Variants in CACNA1D observed in about 807,000 individuals in gnomAD.
CACNA1D encodes calcium voltage-gated channel subunit alpha1 D, also known as voltage-dependent L-type calcium channel subunit alpha-1D.
In CACNA1D, 55 loss-of-function variants were observed where a neutral mutation model predicts 257.1. That is an observed-to-expected ratio of 0.21 (90% CI 0.17 to 0.27). The LOEUF is 0.27. CACNA1D is among the 10% of genes least tolerant of loss of function. The pLI is 1.00. For missense variants in CACNA1D, 1,876 were observed against 2,784.0 expected (o/e 0.67, Z 7.34); for synonymous variants, 980 against 1,014.9 (o/e 0.97, Z 0.65).
In CACNA1D at chr3:53,495,322, G is replaced by T. The variant is rs1006917391; in HGVS notation, c.67+89G>T. 16 of 1,506,968 alleles carry T rather than the reference G, an allele frequency of 1.1e-5. No individual in the cohort carries two copies. Among genetic ancestry groups the T allele is most frequent in the Non-Finnish European group, 1.1e-5 (12 of 1,085,660 alleles). The allele number at this position is 1,506,968 out of a possible 1,614,324, so 93.3% of individuals were successfully genotyped here. On this transcript the variant is annotated intron_variant, in intron 1 of 47. Transcript: ENST00000350061. This position sits in a 1 kb window ranked among gnomAD's most constrained non-coding sequence, Gnocchi z 5.1. ...TCCCCCTTCCCCGCGGCGCTGGATGGGTTGAGGGGGTTGGAGAGGGTGCTG... is the reference window on the plus strand; with the variant it reads ...TCCCCCTTCCCCGCGGCGCTGGATGTGTTGAGGGGGTTGGAGAGGGTGCTG...
chr3:53,800,159 C>A lies in CACNA1D; in HGVS notation c.4924-90C>A. The A allele has an allele frequency of 1.1e-6, 1 of 918,722 alleles. No homozygotes were observed. 56.9% of individuals were successfully genotyped at this position (918,722 alleles called of 1,614,324 possible). On this transcript the variant is annotated intron_variant, in intron 40 of 47. Coordinates refer to ENST00000350061, the MANE Select transcript of CACNA1D (RefSeq NM_001128840.3). The surrounding 1 kb of genome is among the most constrained non-coding windows in gnomAD (Gnocchi z 4.3). Reference sequence around the variant, plus strand: ...CTTTTGGGGAAGCCTTCCTCCCCACCGCTGAATCAGGAAGGAGCAAAGCCA... The same window carrying A: ...CTTTTGGGGAAGCCTTCCTCCCCACAGCTGAATCAGGAAGGAGCAAAGCCA...
chr3:53,730,638 C>A, intron 16 of CACNA1D, 82 bp downstream of exon 16: 3 of 1,054,036 alleles, frequency 2.8e-6, no homozygotes, highest in Non-Finnish European at 4.4e-6. Context: ...AGGCTTACCC[C>A]CGCATCACGG....
chr3:53,543,700 A>G (rs1238481772), intron 3 of CACNA1D, among the ~76,000 whole-genome samples: 1 of 152,208 alleles, frequency 6.6e-6, no homozygotes, highest in Non-Finnish European at 1.5e-5. Flanking sequence ...TCTCAGAATC[A>G]CAGTGGTAGA....
intron 3 of CACNA1D, among the ~76,000 whole-genome samples, chr3:53,520,336 A>G (rs1039109988): frequency 2.6e-5 from 4 of 152,252 alleles, no homozygotes; most frequent in African/African-American, 4.8e-5. Flanking sequence ...TAGCCATCAT[A>G]GTGCATATGA....
intron 14 of CACNA1D, among the ~76,000 whole-genome samples, chr3:53,726,373 C>T (rs1424610204): frequency 6.6e-6 from 1 of 152,184 alleles, no homozygotes; most frequent in Admixed American, 6.5e-5. Context: ...TGAGGTGGCT[C>T]ATGCCTGTAA....
intron 44 of CACNA1D, 117 bp from the exon 45 acceptor site, chr3:53,804,866 C>G: frequency 1.0e-6 from 1 of 986,692 alleles, no homozygotes. Context: ...TTGTTCTCAG[C>G]CAATCCTACT....
chr3:53,768,959 T>C (rs1232539045), intron 30 of CACNA1D, among the ~76,000 whole-genome samples: 2 of 152,216 alleles, frequency 1.3e-5, no homozygotes, highest in Non-Finnish European at 2.9e-5. Context: ...TTTCTCTCTG[T>C]CGGCTCCTGG....
At chr3:53,706,119 C>T (rs923876148) in intron 9 of CACNA1D, among the ~76,000 whole-genome samples, 4 of 152,176 alleles carry the variant, frequency 2.6e-5, no homozygotes, top group African/African-American at 9.7e-5. Flanking sequence ...AGGAGGATGG[C>T]GCAGGGCCCG....
rs572026026 is a variant in CACNA1D, at chr3:53,779,135, A to G, written c.4588-891A>G. Among the ~76,000 whole-genome samples, 9 of 152,322 alleles carry G rather than the reference A, an allele frequency of 5.9e-5. No individual in the cohort carries two copies. In the South Asian group the frequency reaches 1.7e-3, roughly 28 times the overall value. On this transcript the variant is annotated intron_variant, in intron 37 of 47. Coordinates refer to ENST00000350061, the MANE Select transcript of CACNA1D (RefSeq NM_001128840.3). ...GCAACAAAGCGAGACCTCATCTCTA[A>G]AAAAACATAACAAAACAAAAACAAT... is the stretch of plus-strand genomic sequence containing the variant.
intron 3 of CACNA1D, among the ~76,000 whole-genome samples, chr3:53,580,122 G>A (rs1490067786): frequency 6.6e-6 from 1 of 152,192 alleles, no homozygotes; most frequent in East Asian, 1.9e-4. Flanking sequence ...CATCCTTTTA[G>A]GAATGGGTAA....
At chr3:53,517,676 G>T (rs2091398071) in intron 3 of CACNA1D, among the ~76,000 whole-genome samples, 1 of 151,972 alleles carries the variant, frequency 6.6e-6, no homozygotes, top group Non-Finnish European at 1.5e-5. Flanking sequence ...TAGAGACGGG[G>T]TTTCACCATA....
intron 3 of CACNA1D, among the ~76,000 whole-genome samples, chr3:53,642,764 A>G (rs2612022): frequency 0.63 from 96,058 of 152,162 alleles, 32,534 homozygotes; most frequent in African/African-American, 0.87. Context: ...ATCTTGGGCC[A>G]GGGCCTTGCC....
intron 10 of CACNA1D, among the ~76,000 whole-genome samples, chr3:53,719,237 T>C (rs1032102748): frequency 1.6e-4 from 24 of 152,240 alleles, no homozygotes; most frequent in African/African-American, 5.5e-4. Flanking sequence ...CAACCATTTG[T>C]GAAGTGATTT....
intron 28 of CACNA1D, among the ~76,000 whole-genome samples, chr3:53,752,262 A>C (rs745677864): frequency 6.6e-6 from 1 of 152,022 alleles, no homozygotes; most frequent in Non-Finnish European, 1.5e-5. Flanking sequence ...TTTACTCTGA[A>C]TTTTTTGTGA....
intron 3 of CACNA1D, among the ~76,000 whole-genome samples, chr3:53,549,939 G>A (rs1401403329): frequency 6.6e-6 from 1 of 152,060 alleles, no homozygotes; most frequent in African/African-American, 2.4e-5. Context: ...ATACTCAAAG[G>A]ATCATGTGTT....
chr3:53,774,529 C>G lies in CACNA1D; in HGVS notation c.4111-58C>G. ...CCTGAGTTAGTTCTAAATTCACATACGGATTTTTTTTGCATGACGAAATCT... is the reference window on the plus strand; with the variant it reads ...CCTGAGTTAGTTCTAAATTCACATAGGGATTTTTTTTGCATGACGAAATCT... On this transcript the variant is annotated intron_variant, in intron 33 of 47. Transcript: ENST00000350061. This position sits in a 1 kb window ranked among gnomAD's most constrained non-coding sequence, Gnocchi z 4.3. The G allele has an allele frequency of 1.9e-6, 2 of 1,034,944 alleles. No homozygotes were observed. The highest frequency in any genetic ancestry group is 2.5e-5 in the South Asian group (2 of 79,402). The allele number at this position is 1,034,944 out of a possible 1,614,324, so 64.1% of individuals were successfully genotyped here.
intron 20 of CACNA1D, among the ~76,000 whole-genome samples, chr3:53,739,407 T>C (rs1576515404): frequency 6.6e-6 from 1 of 152,158 alleles, no homozygotes; most frequent in East Asian, 1.9e-4. Flanking sequence ...GGTCAGAAGC[T>C]CCTGGTGAGC....
intron 3 of CACNA1D, among the ~76,000 whole-genome samples, chr3:53,624,083 G>T (rs1177283770): frequency 1.1e-4 from 16 of 152,162 alleles, no homozygotes; most frequent in Admixed American, 1.0e-3. Flanking sequence ...AGCTGAAATG[G>T]TGGTTCCTGT....
intron 20 of CACNA1D, 129 bp downstream of exon 20, chr3:53,735,632 C>A: frequency 9.8e-7 from 1 of 1,018,886 alleles, no homozygotes; most frequent in Non-Finnish European, 1.5e-6. Flanking sequence ...CAGCTGGGGA[C>A]GTTGGCTGTT....
Sources: allele counts gnomAD v4.1 joint callset (sites outside exome capture counted in the v4.1 genomes callset), GRCh38; gene constraint gnomAD v4.1.1; non-coding constraint Gnocchi (gnomAD v3.1); transcripts MANE v1.5; gene names NCBI Gene and HGNC (gene_info 2026-07-23, HGNC 2026-07-21).